The following CSMD3 variants were observed in gnomAD, a reference collection of about 807,000 sequenced individuals.
The protein encoded by CSMD3 is CUB and Sushi multiple domains 3, also known as CUB and sushi domain-containing protein 3.
Under a neutral mutation model 435.2 loss-of-function variants are expected in CSMD3, and 177 were observed. The observed-to-expected ratio is 0.41, with a 90% CI of 0.36 to 0.46. CSMD3 has a LOEUF of 0.46. Among genes scored for constraint, CSMD3 ranks in the 20% least tolerant of loss-of-function variants. CSMD3 has a pLI of 0.34. For synonymous variants in CSMD3, 1,656 were observed against 1,520.5 expected (o/e 1.09, Z -2.07); for missense variants, 4,265 against 4,504.6 (o/e 0.95, Z 1.52).
chr8:112,931,396 A>T (rs1474880934), intron 9 of CSMD3, among the ~76,000 whole-genome samples: 1 of 152,042 alleles, frequency 6.6e-6, no homozygotes, highest in African/African-American at 2.4e-5. Context: ...TATCCATTAC[A>T]GAGGAATGAA....
chr8:112,462,412 G>T (rs1055168990), intron 32 of CSMD3, among the ~76,000 whole-genome samples: 2 of 152,150 alleles, frequency 1.3e-5, no homozygotes, highest in African/African-American at 4.8e-5. Flanking sequence ...ATATTTTTCA[G>T]CTTTCTTCTG....
intron 17 of CSMD3, among the ~76,000 whole-genome samples, chr8:112,659,795 G>A (rs1206149140): frequency 6.6e-6 from 1 of 151,954 alleles, no homozygotes; most frequent in Non-Finnish European, 1.5e-5. Context: ...TTGCTATTTT[G>A]TTTTGTATTT....
intron 14 of CSMD3, among the ~76,000 whole-genome samples, chr8:112,689,202 A>G (rs892741277): frequency 1.3e-5 from 2 of 152,068 alleles, no homozygotes; most frequent in African/African-American, 4.8e-5. Context: ...GTTATTAGGG[A>G]AATTTCTGCC....
At chr8:113,369,676 T>C (rs950511063) in intron 1 of CSMD3, among the ~76,000 whole-genome samples, 12 of 151,708 alleles carry the variant, frequency 7.9e-5, no homozygotes, top group East Asian at 1.9e-4. Flanking sequence ...AACAGACAAA[T>C]AGATAAAGAA....
intron 22 of CSMD3, among the ~76,000 whole-genome samples, chr8:112,602,755 A>G (rs1832468406): frequency 1.3e-5 from 2 of 150,002 alleles, no homozygotes; most frequent in Admixed American, 6.6e-5. Flanking sequence ...CAAAAATGTT[A>G]TTAAGAAAAT....
At chr8:112,886,182 T>C (rs1477677067) in intron 10 of CSMD3, among the ~76,000 whole-genome samples, 1 of 151,606 alleles carries the variant, frequency 6.6e-6, no homozygotes, top group African/African-American at 2.4e-5. Context: ...AATATAAATA[T>C]CATAGAAATT....
At chr8:112,651,744 G>C (rs193115811) in intron 18 of CSMD3, among the ~76,000 whole-genome samples, 2 of 151,784 alleles carry the variant, frequency 1.3e-5, no homozygotes, top group African/African-American at 4.8e-5. Context: ...TACCATGCTG[G>C]CCAGGCTGGT....
intron 7 of CSMD3, among the ~76,000 whole-genome samples, chr8:112,957,433 AT>A (rs2084061769): frequency 6.6e-6 from 1 of 152,154 alleles, no homozygotes; most frequent in African/African-American, 2.4e-5. Flanking sequence ...CAGAAAAAAT[AT>A]TTTGTTCATG....
chr8:112,656,044 A>G, intron 18 of CSMD3, 110 bp downstream of exon 18: 5 of 655,420 alleles, frequency 7.6e-6, no homozygotes, highest in South Asian at 7.6e-5. Flanking sequence ...AGATGAAGGA[A>G]AGCTTTGATT....
At chr8:113,065,332 G>T (rs780058728) in intron 5 of CSMD3, among the ~76,000 whole-genome samples, 1 of 152,146 alleles carries the variant, frequency 6.6e-6, no homozygotes, top group Non-Finnish European at 1.5e-5. Context: ...TGTTTCAGAT[G>T]ATTAAAGTCC....
intron 59 of CSMD3, among the ~76,000 whole-genome samples, chr8:112,269,711 A>G (rs1817288668): frequency 6.6e-6 from 1 of 152,234 alleles, no homozygotes; most frequent in Non-Finnish European, 1.5e-5. Flanking sequence ...AAGAGTAATT[A>G]CATGTACTTA....
Position 112,340,599 on chromosome 8 carries a change from C to A in CSMD3, c.6652+878G>T, listed in dbSNP as rs535173189. ...AATAATTAGGGCAGAGATGTAATAA[C>A]ATTTTAGTTTATTTTGATTAAAAAT... On this transcript the variant is annotated intron_variant, in intron 42 of 70. Coordinates refer to ENST00000297405, the MANE Select transcript of CSMD3 (RefSeq NM_198123.2). Among the ~76,000 whole-genome samples, 10 of 152,144 alleles carry A rather than the reference C, an allele frequency of 6.6e-5. No homozygotes were observed. In the South Asian group the frequency reaches 2.1e-3, roughly 32 times the overall value.
At chr8:112,647,388 G>GC (rs1353276626) in intron 19 of CSMD3, among the ~76,000 whole-genome samples, 1 of 148,068 alleles carries the variant, frequency 6.8e-6, no homozygotes, top group Non-Finnish European at 1.5e-5. Flanking sequence ...TGAAAGCTCC[G>GC]CCCCCCGGGT....
chr8:112,730,590 T>A (rs964688469), intron 13 of CSMD3, among the ~76,000 whole-genome samples: 1 of 152,146 alleles, frequency 6.6e-6, no homozygotes, highest in Non-Finnish European at 1.5e-5. Context: ...ATTAATTCCC[T>A]CTTTTTCATG....
chr8:112,877,790 C>G (rs941740327), intron 10 of CSMD3, among the ~76,000 whole-genome samples: 30 of 152,232 alleles, frequency 2.0e-4, no homozygotes, highest in African/African-American at 7.2e-4. Flanking sequence ...TGATCTCTGA[C>G]AAACCAGACA....
chr8:112,535,225 C>T (rs1186809001), intron 27 of CSMD3, among the ~76,000 whole-genome samples: 1 of 151,792 alleles, frequency 6.6e-6, no homozygotes, highest in African/African-American at 2.4e-5. Flanking sequence ...AAGAGGAAGT[C>T]AAATTGTCCC....
intron 22 of CSMD3, among the ~76,000 whole-genome samples, chr8:112,597,114 C>T (rs566947237): frequency 1.5e-4 from 23 of 151,516 alleles, no homozygotes; most frequent in Admixed American, 5.3e-4. Context: ...ATTGATAGAC[C>T]GCTAGCAAGA....
chr8:113,303,164 G>A (rs1287225281), intron 2 of CSMD3, among the ~76,000 whole-genome samples: 2 of 147,160 alleles, frequency 1.4e-5, no homozygotes, highest in Non-Finnish European at 1.5e-5. Flanking sequence ...ATCCACAATT[G>A]CTTCAAAGAG....
intron 10 of CSMD3, among the ~76,000 whole-genome samples, chr8:112,903,486 A>AG (rs1181736704): frequency 2.0e-5 from 3 of 151,236 alleles, no homozygotes; most frequent in Non-Finnish European, 3.0e-5. Context: ...ATGGTGGCGA[A>AG]GGGGGATCAA....
Sources: gnomAD v4.1 joint callset for allele counts (sites outside exome capture counted in the v4.1 genomes callset) on GRCh38, gnomAD v4.1.1 for gene constraint, MANE v1.5 for transcripts, NCBI Gene and HGNC (gene_info 2026-07-23, HGNC 2026-07-21) for gene names.